Variants in CSMD3 observed in about 807,000 individuals in gnomAD.
CSMD3 encodes the protein CUB and sushi domain-containing protein 3.
In CSMD3, 177 loss-of-function variants were observed where a neutral mutation model predicts 435.2. The observed-to-expected ratio is 0.41, with a 90% CI of 0.36 to 0.46. The LOEUF (loss-of-function observed/expected upper bound fraction) is 0.46, where lower values mean the gene tolerates loss of function less well. Ranked by LOEUF, CSMD3 falls within the 20% of genes least tolerant of loss-of-function variation. The probability of loss-of-function intolerance (pLI) is 0.34; values close to 1 mark genes in which losing one functional copy is unlikely to be tolerated. For missense variants in CSMD3, 4,265 were observed against 4,504.6 expected, an observed-to-expected ratio of 0.95 and a Z score of 1.52; for synonymous variants, 1,656 against 1,520.5, an observed-to-expected ratio of 1.09 and a Z score of -2.07.
intron 13 of CSMD3, among the ~76,000 whole-genome samples, chr8:112,716,774 C>T (rs1336228340): frequency 6.6e-6 from 1 of 152,106 alleles, no homozygotes; most frequent in Non-Finnish European, 1.5e-5. Flanking sequence ...TAACACCACA[C>T]ATCTACAACC....
chr8:112,723,052 C>T (rs2076893678), intron 13 of CSMD3, among the ~76,000 whole-genome samples: 2 of 149,618 alleles, frequency 1.3e-5, no homozygotes, highest in South Asian at 4.2e-4. Context: ...AAAAAAAAAA[C>T]CTGTTCATTA....
chr8:112,418,096 C>T (rs1490007339), intron 32 of CSMD3, among the ~76,000 whole-genome samples: 1 of 152,116 alleles, frequency 6.6e-6, no homozygotes, highest in Admixed American at 6.6e-5. Flanking sequence ...TGCACATGTG[C>T]ATCCACAGTA....
intron 36 of CSMD3, among the ~76,000 whole-genome samples, chr8:112,387,465 A>ATGTGTGTGTG (rs34034900): frequency 0.082 from 11,842 of 144,096 alleles, 598 homozygotes; most frequent in Non-Finnish European, 0.11. Flanking sequence ...GTCATATATT[A>ATGTGTGTGTG]TGTGTGTGTG....
At chr8:112,998,169 T>C (rs2085725540) in intron 6 of CSMD3, among the ~76,000 whole-genome samples, 2 of 151,806 alleles carry the variant, frequency 1.3e-5, no homozygotes, top group Admixed American at 6.6e-5. Flanking sequence ...TATTATTCCT[T>C]GAGAATAATT....
rs1586958776 is a variant in CSMD3, at chr8:112,682,479, T to C, written c.2640A>G (p.Gly880=). ...GAATCAGTCCACTCCACATTACTTT[T>C]CCATCCATAAGAATACATGTAATTG... ...TETITCILMD[G]KVMWSGLIPK... The change falls in exon 16 of 71, where the codon GGA becomes GGG. Residue 880 remains glycine, a synonymous_variant. Transcript: ENST00000297405. 1.2e-6 allele frequency: 2 copies of C among 1,612,838 alleles called. No homozygotes were observed. Among genetic ancestry groups the C allele is most frequent in the Non-Finnish European group, 1.7e-6 (2 of 1,179,834 alleles).
intron 22 of CSMD3, among the ~76,000 whole-genome samples, chr8:112,599,816 C>A (rs1225399693): frequency 7.4e-6 from 1 of 135,184 alleles, no homozygotes; most frequent in African/African-American, 2.8e-5. Flanking sequence ...GGGAATTGAA[C>A]AATGAGATCA....
At chr8:113,419,651 C>G (rs971347265) in intron 1 of CSMD3, among the ~76,000 whole-genome samples, 2 of 152,152 alleles carry the variant, frequency 1.3e-5, no homozygotes, top group Non-Finnish European at 2.9e-5. Flanking sequence ...CTATTCAAAT[C>G]ATAATTTTAT....
At chr8:112,905,065 G>A (rs2082219641) in intron 10 of CSMD3, among the ~76,000 whole-genome samples, 1 of 151,184 alleles carries the variant, frequency 6.6e-6, no homozygotes, top group South Asian at 2.1e-4. Flanking sequence ...CTGATTAATG[G>A]GAATTCTCAT....
chr8:113,012,687 C>T (rs117113642), intron 6 of CSMD3, among the ~76,000 whole-genome samples: 7,142 of 152,038 alleles, frequency 0.047, 232 homozygotes, highest in Non-Finnish European at 0.07. Context: ...GCCTCCCCAT[C>T]CATGCAGAAC....
At chr8:112,367,925 C>A (rs1827943429) in intron 38 of CSMD3, among the ~76,000 whole-genome samples, 1 of 152,138 alleles carries the variant, frequency 6.6e-6, no homozygotes, top group Non-Finnish European at 1.5e-5. Context: ...TACTATATAA[C>A]TGGCACTGCA....
At chr8:112,417,750 G>A (rs904805586) in intron 32 of CSMD3, among the ~76,000 whole-genome samples, 1 of 152,118 alleles carries the variant, frequency 6.6e-6, no homozygotes, top group Admixed American at 6.5e-5. Flanking sequence ...GCTAAGAAAA[G>A]GGGAGCAAGG....
At chr8:113,269,368 A>T (rs1475855934) in intron 3 of CSMD3, among the ~76,000 whole-genome samples, 1 of 152,196 alleles carries the variant, frequency 6.6e-6, no homozygotes, top group Non-Finnish European at 1.5e-5. Flanking sequence ...CAATAGTGTG[A>T]CAATGGCCAT....
intron 10 of CSMD3, among the ~76,000 whole-genome samples, chr8:112,867,678 T>C (rs2081022276): frequency 6.6e-6 from 1 of 151,956 alleles, no homozygotes; most frequent in African/African-American, 2.4e-5. Flanking sequence ...TCTAAACATA[T>C]CTAAACAAAG....
Position 112,224,839 on chromosome 8 carries a change from C to A in CSMD3, c.11056G>T (p.Ala3686Ser), listed in dbSNP as rs773198324. ...ACCGCCTTCCCTTCCACTGACTTTGCGTTGGTGTCATACATGGGATTTTCA... is the reference window on the plus strand; with the variant it reads ...ACCGCCTTCCCTTCCACTGACTTTGAGTTGGTGTCATACATGGGATTTTCA... ...AFENPMYDTNAKSVEGKAVRF... is the reference protein window; with the variant it reads ...AFENPMYDTNSKSVEGKAVRF... The change falls in exon 71 of 71, where the codon GCA becomes TCA. Residue 3686 changes from alanine to serine, a missense_variant. Physicochemically the swap from Ala to Ser is moderately conservative, Grantham distance 99 (BLOSUM62 1). Coordinates refer to ENST00000297405, the MANE Select transcript of CSMD3 (RefSeq NM_198123.2). The A allele has an allele frequency of 6.2e-7, 1 of 1,614,022 alleles. No homozygotes were observed.
chr8:113,320,386 T>A (rs985656855), intron 1 of CSMD3, among the ~76,000 whole-genome samples: 1 of 152,110 alleles, frequency 6.6e-6, no homozygotes, highest in Non-Finnish European at 1.5e-5. Flanking sequence ...TCAAAAAACA[T>A]CATGCCCATA....
In CSMD3 at chr8:112,337,585, C is replaced by T. The variant is rs752573773; in HGVS notation, c.6799G>A (p.Gly2267Arg). 3 of 1,613,854 alleles carry T rather than the reference C, an allele frequency of 1.9e-6. No individual in the cohort carries two copies. The highest frequency in any genetic ancestry group is 1.3e-5 in the African/African-American group (1 of 75,040). Residue 2267 changes from glycine to arginine, a missense_variant, in exon 43 of 71, where the codon GGA becomes AGA. Coordinates refer to ENST00000297405, the MANE Select transcript of CSMD3 (RefSeq NM_198123.2). ...GGATGATTCCAATTACGACTGACTC[C>T]GTGAAGGCATGTGAGAGCTGAATTT... Reference protein sequence around the residue: ...IGNSALTCLHGVSRNWNHPLP... With the variant: ...IGNSALTCLHRVSRNWNHPLP...
At chr8:113,202,802 A>G (rs564902582) in intron 3 of CSMD3, among the ~76,000 whole-genome samples, 1 of 152,256 alleles carries the variant, frequency 6.6e-6, no homozygotes, top group South Asian at 2.1e-4. Context: ...TAGACTTTAT[A>G]CTAACATATA....
intron 14 of CSMD3, 30 bp downstream of exon 14, chr8:112,689,838 C>T (rs781645280): frequency 8.2e-6 from 13 of 1,588,642 alleles, no homozygotes; most frequent in Middle Eastern, 1.7e-4. Context: ...GTAACATATG[C>T]TATCTGGAAG....
At chr8:112,510,151 A>T (rs2130949306) in intron 28 of CSMD3, among the ~76,000 whole-genome samples, 1 of 152,208 alleles carries the variant, frequency 6.6e-6, no homozygotes, top group Non-Finnish European at 1.5e-5. Flanking sequence ...CTTGCCTACT[A>T]CCAATAGGTC....
Sources: allele counts gnomAD v4.1 joint callset (sites outside exome capture counted in the v4.1 genomes callset), GRCh38; gene constraint gnomAD v4.1.1; transcripts MANE v1.5; gene names NCBI Gene and HGNC (gene_info 2026-07-23, HGNC 2026-07-21).